Variants in MAPK15 observed in about 807,000 individuals in gnomAD.
MAPK15 encodes the protein mitogen-activated protein kinase 15, also known as ERK-7.
MAPK15 carries 61 observed loss-of-function variants against 60.8 expected under a neutral mutation model. The ratio of observed to expected loss-of-function variants is 1.00; its 90% CI spans 0.82 to 1.24. The LOEUF is 1.24. Among genes scored for constraint, MAPK15 ranks in the 50% most tolerant of loss-of-function variants. MAPK15 has a pLI of 0.00. For missense variants in MAPK15, 808 were observed against 741.1 expected (o/e 1.09, Z -1.05); for synonymous variants, 356 against 319.9 (o/e 1.11, Z -1.21).
intron 13 of MAPK15, 73 bp downstream of exon 13, chr8:143,721,953 CCCTTCCCCAT>C (rs1818097027): frequency 6.6e-6 from 10 of 1,507,168 alleles, no homozygotes; most frequent in Admixed American, 1.9e-5. Context: ...GCTTTTCCCT[CCCTTCCCCAT>C]GCTTCCCATT....
chr8:143,720,182 C>G lies in MAPK15; in HGVS notation c.722-48C>G. The G allele has an allele frequency of 6.5e-7, 1 of 1,544,802 alleles. No individual in the cohort carries two copies. The highest frequency in any genetic ancestry group is 8.7e-7 in the Non-Finnish European group (1 of 1,146,874). ...ACTGGCCCCAGATGCCCTGAGCCGCCCCAGCCGACCAGGCCTGCCTGGGTC... is the reference window on the plus strand; with the variant it reads ...ACTGGCCCCAGATGCCCTGAGCCGCGCCAGCCGACCAGGCCTGCCTGGGTC... On this transcript the variant is annotated intron_variant, in intron 7 of 13. Coordinates refer to ENST00000338033, the MANE Select transcript of MAPK15 (RefSeq NM_139021.3). This position sits in a 1 kb window ranked among gnomAD's most constrained non-coding sequence, Gnocchi z 4.6.
At chr8:143,717,511 C>G (rs1554618564) in intron 1 of MAPK15, among the ~76,000 whole-genome samples, 183 bp from the exon 2 acceptor site, 2 of 152,204 alleles carry the variant, frequency 1.3e-5, no homozygotes, top group African/African-American at 4.8e-5. Flanking sequence ...CCTCCCTTCC[C>G]TCTACCTCCC....
At position 143,716,810 on chromosome 8, in the gene MAPK15, C is replaced by G. The variant is rs574159798; in HGVS notation, c.66+367C>G. 1.4e-4 allele frequency among the ~76,000 whole-genome samples: 22 copies of G among 152,310 alleles called. No individual in the cohort carries two copies. The East Asian group carries it at 3.7e-3, about 25-fold the overall frequency. ...GGTCACTGAGAGGAAGGGCGGACCCCAGGCTCAGGAGCACAGGGGCGAGGC... is the reference window on the plus strand; with the variant it reads ...GGTCACTGAGAGGAAGGGCGGACCCGAGGCTCAGGAGCACAGGGGCGAGGC... On this transcript the variant is annotated intron_variant, in intron 1 of 13. Transcript: ENST00000338033.
chr8:143,716,368 C>G lies in MAPK15; in HGVS notation c.-10C>G. ...CTCAACAGTAAGGCCCCGCGGGCGTCCTGGCCGCCATGTGCACCGTAGTGG... is the reference window on the plus strand; with the variant it reads ...CTCAACAGTAAGGCCCCGCGGGCGTGCTGGCCGCCATGTGCACCGTAGTGG... On this transcript the variant is annotated 5_prime_UTR_variant, in exon 1 of 14. Coordinates refer to ENST00000338033, the MANE Select transcript of MAPK15 (RefSeq NM_139021.3). 1.3e-6 allele frequency: 2 copies of G among 1,591,058 alleles called. No individual in the cohort carries two copies. Among genetic ancestry groups the G allele is most frequent in the Non-Finnish European group, 1.7e-6 (2 of 1,171,584 alleles).
At chr8:143,716,559 GCCT>G in intron 1 of MAPK15, 116 bp downstream of exon 1, 1 of 889,534 alleles carries the variant, frequency 1.1e-6, no homozygotes, top group Admixed American at 3.7e-5. Context: ...CTGGCGTCCT[GCCT>G]CCTCCGTAGG....
rs202055248 is a variant in MAPK15 at position 143,718,257 on chromosome 8, C to G, written c.241C>G (p.Arg81Gly). 2 of 1,614,060 alleles carry G rather than the reference C, an allele frequency of 1.2e-6. No individual in the cohort carries two copies. Among genetic ancestry groups the G allele is most frequent in the Non-Finnish European group, 1.7e-6 (2 of 1,180,032 alleles). Reference sequence around the variant, plus strand: ...CATCATCAGCCTCCTTGACGTGATCCGGGCAGAGAACGACAGGGACATTTA... The same window carrying G: ...CATCATCAGCCTCCTTGACGTGATCGGGGCAGAGAACGACAGGGACATTTA... Reference protein sequence around the residue: ...PNIISLLDVIRAENDRDIYLV... With the variant: ...PNIISLLDVIGAENDRDIYLV... Residue 81 changes from arginine to glycine, a missense_variant, in exon 4 of 14, where the codon CGG becomes GGG. By Grantham distance (125) the Arg-to-Gly change is moderately radical (BLOSUM62 -2). Coordinates refer to ENST00000338033, the MANE Select transcript of MAPK15 (RefSeq NM_139021.3).
intron 6 of MAPK15, 31 bp downstream of exon 6, chr8:143,719,187 C>G: frequency 6.6e-7 from 1 of 1,504,656 alleles, no homozygotes; most frequent in Non-Finnish European, 8.9e-7. Context: ...ACCCCCCCTC[C>G]ACCTCCCTGC....
intron 4 of MAPK15, 182 bp downstream of exon 4, chr8:143,718,484 A>G: frequency 1.5e-6 from 1 of 675,936 alleles, no homozygotes; most frequent in South Asian, 1.8e-5. Context: ...CAGAGCCAGC[A>G]GCGACCCCTT....
At chr8:143,719,797 C>G (rs782143476) in intron 7 of MAPK15, among the ~76,000 whole-genome samples, 1 of 151,998 alleles carries the variant, frequency 6.6e-6, no homozygotes, top group Admixed American at 6.6e-5. Context: ...GTCACTGTGC[C>G]GGGAGCTGGG....
In MAPK15 at chr8:143,721,998, C is replaced by T. The variant is rs1818098995; in HGVS notation, c.1459-77C>T. 7.9e-6 allele frequency: 12 copies of T among 1,526,448 alleles called. No homozygotes were observed. The East Asian group carries it at 2.5e-4, about 32-fold the overall frequency. The allele number at this position is 1,526,448 out of a possible 1,614,324, so 94.6% of individuals were successfully genotyped here. ...TGCCCCTCCAATGTCCAGTTCAAAT[C>T]TCTCGAGGACCTCAAGGCCTCCCCT... On this transcript the variant is annotated intron_variant, in intron 13 of 13. Coordinates refer to ENST00000338033, the MANE Select transcript of MAPK15 (RefSeq NM_139021.3).
chr8:143,717,921 C>T, intron 2 of MAPK15, 126 bp from the exon 3 acceptor site: 3 of 1,509,178 alleles, frequency 2.0e-6, no homozygotes, highest in Non-Finnish European at 2.8e-6. Flanking sequence ...TCTCGGAACA[C>T]TGCCCCCTTG....
chr8:143,717,705 T>C lies in MAPK15; in HGVS notation c.78T>C (p.Ile26=), dbSNP rs1164082564. The change falls in exon 2 of 14, where the codon ATT becomes ATC. Residue 26 remains isoleucine, a synonymous_variant. Transcript: ENST00000338033. ...RRQLGQGAYG[I]VWKAVDRRTG... The stretch of plus-strand genomic sequence containing the variant: ...GCACTCCTTCCCAGGCCTATGGCAT[T>C]GTGTGGAAGGCAGTGGACCGGAGGA... The C allele has an allele frequency of 1.1e-5, 18 of 1,608,302 alleles. No individual in the cohort carries two copies. Among genetic ancestry groups the C allele is most frequent in the East Asian group, 2.2e-5 (1 of 44,714 alleles).
intron 6 of MAPK15, 43 bp downstream of exon 6, chr8:143,719,199 G>T: frequency 6.7e-7 from 1 of 1,490,658 alleles, no homozygotes. Context: ...CCTCCCTGCT[G>T]CCCTCCTGCC....
In MAPK15 at chr8:143,720,711, AG is replaced by A. The variant is rs1373506644; in HGVS notation, c.789del (p.Thr264ArgfsTer30). On this transcript the variant is annotated frameshift_variant, in exon 9 of 14. Transcript: ENST00000338033. LOFTEE classifies it high-confidence loss of function. The surrounding 1 kb of genome is among the most constrained non-coding windows in gnomAD (Gnocchi z 4.6). Reference protein sequence around the residue: ...VLHQLGSRPRQTLDALLPPDT... With the variant: ...VLHQLGSRPRXTLDALLPPDT... ...CACACGGCAGCCCACAGGCCACGAC[AG>A]ACGCTGGATGCCCTCCTACCGCCAG... is the stretch of plus-strand genomic sequence containing the variant. The A allele has an allele frequency of 2.5e-6, 4 of 1,611,696 alleles. No homozygotes were observed. The East Asian group carries it at 6.7e-5, about 27-fold the overall frequency.
intron 1 of MAPK15, 51 bp from the exon 2 acceptor site, chr8:143,717,643 G>A: frequency 6.9e-7 from 1 of 1,452,324 alleles, no homozygotes; most frequent in Non-Finnish European, 9.5e-7. Flanking sequence ...ATCTGGGTGG[G>A]CAGGGGATGG....
rs1219521254 is a variant in MAPK15 at position 143,719,127 on chromosome 8, AGCACCGGAGGTGCTGCTCTCTTC to A, written c.560_581+1del. On this transcript the variant is annotated frameshift_variant, in exon 6 of 14. Coordinates refer to ENST00000338033, the MANE Select transcript of MAPK15 (RefSeq NM_139021.3). LOFTEE classifies it high-confidence loss of function. ...AGTACGTGGCCACACGCTGGTACCG[AGCACCGGAGGTGCTGCTCTCTTC>A]GCACCGGTAATAGCGAGACATCCCC... 1.9e-5 allele frequency: 29 copies of A among 1,556,098 alleles called. No homozygotes were observed. The highest frequency in any genetic ancestry group is 2.4e-5 in the Non-Finnish European group (28 of 1,150,590).
Position 143,720,127 on chromosome 8 carries a change from A to T in MAPK15, c.722-103A>T, listed in dbSNP as rs575484560. The T allele has an allele frequency of 4.7e-5, 70 of 1,489,478 alleles. 3 individuals carry two copies. In the South Asian group the frequency reaches 7.9e-4, roughly 17 times the overall value. The allele number at this position is 1,489,478 out of a possible 1,614,324, so 92.3% of individuals were successfully genotyped here. Reference sequence around the variant, plus strand: ...GCCAGACAGCAGAAACCCTGTAGAGAGGCTGTGCTCCCTGGGGCTGGAAGA... The same window carrying T: ...GCCAGACAGCAGAAACCCTGTAGAGTGGCTGTGCTCCCTGGGGCTGGAAGA... On this transcript the variant is annotated intron_variant, in intron 7 of 13. Coordinates refer to ENST00000338033, the MANE Select transcript of MAPK15 (RefSeq NM_139021.3). This position sits in a 1 kb window ranked among gnomAD's most constrained non-coding sequence, Gnocchi z 4.6.
intron 6 of MAPK15, 68 bp from the exon 7 acceptor site, chr8:143,719,274 AC>A: frequency 6.8e-7 from 1 of 1,461,990 alleles, no homozygotes; most frequent in Non-Finnish European, 9.2e-7. Flanking sequence ...TCCCCCATTC[AC>A]CCCCCAGCAA....
Position 143,718,916 on chromosome 8 carries a change from C to T in MAPK15, c.417+11C>T. The T allele has an allele frequency of 6.2e-7, 1 of 1,600,128 alleles. No individual in the cohort carries two copies. Among genetic ancestry groups the T allele is most frequent in the Non-Finnish European group, 8.5e-7 (1 of 1,172,462 alleles). On this transcript the variant is annotated intron_variant, in intron 5 of 13. Transcript: ENST00000338033. ...CACCGGGACCAGAAGGTGCGGTTCC[C>T]CCGCCCCCGCTATGCCACGTGGCCC...
Sources: gnomAD v4.1 joint callset for allele counts (sites outside exome capture counted in the v4.1 genomes callset) on GRCh38, gnomAD v4.1.1 for gene constraint, Gnocchi (gnomAD v3.1) non-coding constraint, MANE v1.5 for transcripts, NCBI Gene and HGNC (gene_info 2026-07-23, HGNC 2026-07-21) for gene names.